PCDH15: variants seen among roughly 807,000 people sequenced by gnomAD.
PCDH15 encodes the protein protocadherin related 15, also known as protocadherin-15.
A neutral mutation model predicts 178.5 loss-of-function variants in PCDH15; 129 were observed. The observed-to-expected ratio is 0.72, with a 90% confidence interval of 0.63 to 0.84. PCDH15 has a LOEUF of 0.84. PCDH15 is among the 40% of genes least tolerant of loss of function. The pLI, the probability that PCDH15 is intolerant of heterozygous loss-of-function variation, is 0.00. For synonymous variants in PCDH15, 800 were observed against 732.0 expected, an observed-to-expected ratio of 1.09 and a Z score of -1.50; for missense variants, 2,230 against 2,099.9, an observed-to-expected ratio of 1.06 and a Z score of -1.21.
chr10:55,346,137 C>G (rs189027231), intron 2 of PCDH15, among the ~76,000 whole-genome samples: 1 of 152,200 alleles, frequency 6.6e-6, no homozygotes, highest in East Asian at 1.9e-4. Context: ...TTTGTCATTT[C>G]TAACCCACAC....
chr10:54,872,727 A>C (rs61854479), intron 3 of PCDH15, among the ~76,000 whole-genome samples: 14 of 152,234 alleles, frequency 9.2e-5, no homozygotes, highest in Admixed American at 2.0e-4. Flanking sequence ...GATTTTTGTC[A>C]CTGGGAGCCA....
chr10:54,246,479 G>A (rs1404822869), intron 8 of PCDH15, among the ~76,000 whole-genome samples: 2 of 151,782 alleles, frequency 1.3e-5, no homozygotes, highest in Non-Finnish European at 3.0e-5. Context: ...ATGTATGAGT[G>A]TAAGATTCTT....
At chr10:53,825,947 T>A (rs1201694870) in intron 32 of PCDH15, among the ~76,000 whole-genome samples, 1 of 151,614 alleles carries the variant, frequency 6.6e-6, no homozygotes, top group Non-Finnish European at 1.5e-5. Context: ...CTATGCTGAT[T>A]CCAGATGATG....
intron 3 of PCDH15, among the ~76,000 whole-genome samples, chr10:54,455,714 G>A (rs550756144): frequency 5.9e-5 from 9 of 152,102 alleles, no homozygotes; most frequent in Non-Finnish European, 8.8e-5. Flanking sequence ...AAAATGTCTC[G>A]AGGACATGTC....
intron 2 of PCDH15, among the ~76,000 whole-genome samples, chr10:54,584,110 A>G (rs1022147210): frequency 6.6e-6 from 1 of 152,236 alleles, no homozygotes; most frequent in East Asian, 1.9e-4. Context: ...TTTAAGGTCA[A>G]GTGTAGATGC....
chr10:55,360,600 T>C (rs1008522790), intron 2 of PCDH15, among the ~76,000 whole-genome samples: 2 of 151,988 alleles, frequency 1.3e-5, no homozygotes, highest in African/African-American at 4.8e-5. Flanking sequence ...AATACACATA[T>C]ATAATGGGGC....
At chr10:54,753,159 G>C (rs1218535551) in intron 1 of PCDH15, among the ~76,000 whole-genome samples, 1 of 152,058 alleles carries the variant, frequency 6.6e-6, no homozygotes, top group Non-Finnish European at 1.5e-5. Context: ...AGGATGTTGG[G>C]TGCTATGGAA....
intron 1 of PCDH15, among the ~76,000 whole-genome samples, chr10:54,791,719 C>T (rs1205226371): frequency 6.6e-6 from 1 of 151,914 alleles, no homozygotes; most frequent in Non-Finnish European, 1.5e-5. Flanking sequence ...GCCATCAATA[C>T]ATTATGGTGA....
At chr10:54,859,908 C>T (rs1953810098) in intron 3 of PCDH15, among the ~76,000 whole-genome samples, 1 of 151,650 alleles carries the variant, frequency 6.6e-6, no homozygotes, top group African/African-American at 2.4e-5. Flanking sequence ...TGTAATTCTC[C>T]AACCTTTTTT....
At chr10:54,585,583 AT>A in intron 2 of PCDH15, 1 of 208,044 alleles carries the variant, frequency 4.8e-6, no homozygotes, top group Non-Finnish European at 1.0e-5. Flanking sequence ...CATTCATTTC[AT>A]TGGCATCATC....
intron 21 of PCDH15, among the ~76,000 whole-genome samples, chr10:53,980,113 T>TG (rs1227167135): frequency 6.6e-6 from 1 of 151,242 alleles, no homozygotes; most frequent in Non-Finnish European, 1.5e-5. Context: ...CCAAGCTACT[T>TG]GGGAGGCTGA....
intron 1 of PCDH15, among the ~76,000 whole-genome samples, chr10:55,201,396 AT>A (rs1366772660): frequency 6.6e-6 from 1 of 152,144 alleles, no homozygotes; most frequent in African/African-American, 2.4e-5. Context: ...GTTACTTGCA[AT>A]TGAGGGGGGA....
At chr10:53,818,411 T>C (rs2076140793) in intron 33 of PCDH15, 1 of 155,500 alleles carries the variant, frequency 6.4e-6, no homozygotes, top group South Asian at 2.1e-4. Flanking sequence ...GCTTTATACA[T>C]GAAGAATGTA....
intron 2 of PCDH15, among the ~76,000 whole-genome samples, chr10:54,617,755 C>CAAAAAAAAAAAAAAA (rs71010398): frequency 1.7e-5 from 2 of 117,128 alleles, no homozygotes; most frequent in African/African-American, 6.7e-5. Flanking sequence ...TCTAAAAATA[C>CAAAAAAAAAAAAAAA]AAAAAAAAAA....
chr10:54,939,466 G>A (rs1001369372), intron 2 of PCDH15, among the ~76,000 whole-genome samples: 18 of 107,466 alleles, frequency 1.7e-4, no homozygotes, highest in Non-Finnish European at 2.7e-4. Context: ...CTGCACTCCA[G>A]TCTGGGCAAT....
intron 2 of PCDH15, among the ~76,000 whole-genome samples, chr10:55,123,810 C>T (rs1837832602): frequency 6.6e-6 from 1 of 152,150 alleles, no homozygotes; most frequent in Non-Finnish European, 1.5e-5. Flanking sequence ...TCCTGCTCTC[C>T]ATTTGTCAGT....
intron 1 of PCDH15, among the ~76,000 whole-genome samples, chr10:55,196,097 A>G (rs975483343): frequency 4.6e-5 from 7 of 152,118 alleles, no homozygotes; most frequent in Non-Finnish European, 4.4e-5. Flanking sequence ...TACAGTTTGT[A>G]TCTCATTCTG....
At chr10:54,455,189 T>C (rs2076739405) in intron 3 of PCDH15, among the ~76,000 whole-genome samples, 1 of 152,096 alleles carries the variant, frequency 6.6e-6, no homozygotes, top group African/African-American at 2.4e-5. Flanking sequence ...TCTTTATAAA[T>C]TACCAAGTCT....
At chr10:54,368,627 A>G (rs918849316) in intron 5 of PCDH15, among the ~76,000 whole-genome samples, 1 of 152,078 alleles carries the variant, frequency 6.6e-6, no homozygotes, top group Non-Finnish European at 1.5e-5. Context: ...TAATTTGATC[A>G]GCATTTTTCT....
Sources: allele counts gnomAD v4.1 joint callset (sites outside exome capture counted in the v4.1 genomes callset), GRCh38; gene constraint gnomAD v4.1.1; transcripts MANE v1.5; gene names NCBI Gene and HGNC (gene_info 2026-07-23, HGNC 2026-07-21).